PRSS54: variants seen among roughly 807,000 people sequenced by gnomAD.
The protein encoded by PRSS54 is inactive serine protease 54.
In PRSS54, 16 loss-of-function variants were observed where a neutral mutation model predicts 19.9. That is an observed-to-expected ratio of 0.80 (90% CI 0.54 to 1.22). The LOEUF is 1.22. Among genes scored for constraint, PRSS54 ranks in the 50% most tolerant of loss-of-function variants. The pLI, the probability that PRSS54 is intolerant of heterozygous loss-of-function variation, is 0.00. For synonymous variants in PRSS54, 177 were observed against 195.8 expected, an observed-to-expected ratio of 0.90 and a Z score of 0.80; for missense variants, 444 against 494.8, an observed-to-expected ratio of 0.90 and a Z score of 0.97.
Position 58,280,209 on chromosome 16 carries a change from G to A in PRSS54, c.*15C>T, listed in dbSNP as rs764804507. Reference sequence around the variant, plus strand: ...TTCTCAGTTTACTCTTCAGTTTGGTGGGGTAGCTCCTGGACTAGATACTGC... The same window carrying A: ...TTCTCAGTTTACTCTTCAGTTTGGTAGGGTAGCTCCTGGACTAGATACTGC... On this transcript the variant is annotated 3_prime_UTR_variant, in exon 7 of 7. Coordinates refer to ENST00000567164, the MANE Select transcript of PRSS54 (RefSeq NM_001305173.2). 2 of 1,590,122 alleles carry A rather than the reference G, an allele frequency of 1.3e-6. No homozygotes were observed. The highest frequency in any genetic ancestry group is 1.7e-6 in the Non-Finnish European group (2 of 1,167,900).
At position 58,293,766 on chromosome 16, in the gene PRSS54, G is replaced by A; in HGVS notation, c.51C>T (p.Leu17=). The A allele has an allele frequency of 1.2e-6, 2 of 1,613,354 alleles. No homozygotes were observed. Among genetic ancestry groups the A allele is most frequent in the Non-Finnish European group, 1.7e-6 (2 of 1,179,780 alleles). The stretch of plus-strand genomic sequence containing the variant: ...AATAGAGAAGGCCGAGCAGCACCAG[G>A]AGCACCCCTCGCATCTTGCCATCCC... ...LSGDGKMRGV[L]LVLLGLLYSS... The change falls in exon 3 of 7, where the codon CTC becomes CTT. Residue 17 remains leucine (L), a synonymous_variant. Coordinates refer to ENST00000567164, the MANE Select transcript of PRSS54 (RefSeq NM_001305173.2).
At chr16:58,284,769 C>T (rs1208430963) in intron 5 of PRSS54, 48 bp from the exon 6 acceptor site, 1 of 1,609,740 alleles carries the variant, frequency 6.2e-7, no homozygotes, top group Non-Finnish European at 8.5e-7. Context: ...AGAAGGCAGT[C>T]CCCTATGTCA....
At chr16:58,285,744 A>AAAAAAAGAAG (rs146167626) in intron 5 of PRSS54, among the ~76,000 whole-genome samples, 193 bp downstream of exon 5, 1 of 77,350 alleles carries the variant, frequency 1.3e-5, no homozygotes, top group Non-Finnish European at 2.3e-5. Flanking sequence ...AAAAAAAAAA[A>AAAAAAAGAAG]AAGAAGAAGA....
At chr16:58,288,141 C>A (rs553417610) in intron 4 of PRSS54, among the ~76,000 whole-genome samples, 1 of 152,126 alleles carries the variant, frequency 6.6e-6, no homozygotes, top group African/African-American at 2.4e-5. Context: ...AAAACTCTGT[C>A]TTGGCCATGC....
chr16:58,288,404 C>T (rs189393815), intron 4 of PRSS54, among the ~76,000 whole-genome samples: 443 of 151,646 alleles, frequency 2.9e-3, no homozygotes, highest in Non-Finnish European at 4.9e-3. Flanking sequence ...GCAGCCTAGG[C>T]AACAGAGCAA....
intron 4 of PRSS54, among the ~76,000 whole-genome samples, chr16:58,288,114 T>C (rs1429572612): frequency 2.0e-5 from 3 of 152,228 alleles, no homozygotes; most frequent in African/African-American, 7.2e-5. Flanking sequence ...CAAAAAACCC[T>C]AGCACCTGGA....
At chr16:58,294,561 G>A (rs1016243370) in intron 1 of PRSS54, among the ~76,000 whole-genome samples, 2 of 151,972 alleles carry the variant, frequency 1.3e-5, no homozygotes, top group African/African-American at 2.4e-5. Context: ...TGTATTTTTA[G>A]TACAGATGGG....
chr16:58,294,041 G>T lies in PRSS54; in HGVS notation c.-63C>A. The stretch of plus-strand genomic sequence containing the variant: ...GTAAAGAGGCAGGACCAGTTGGCCC[G>T]CACTGTGGTTTGTGAGATGGCCAGA... On this transcript the variant is annotated 5_prime_UTR_variant, in exon 2 of 7. Coordinates refer to ENST00000567164, the MANE Select transcript of PRSS54 (RefSeq NM_001305173.2). 1 of 553,610 alleles carries T rather than the reference G, an allele frequency of 1.8e-6. No individual in the cohort carries two copies. The highest frequency in any genetic ancestry group is 3.2e-6 in the Non-Finnish European group (1 of 308,088). The allele number at this position is 553,610 out of a possible 1,614,324, so 34.3% of individuals were successfully genotyped here. A position where few individuals can be genotyped will look rare whatever the true frequency, so the allele number is the denominator to read the frequency against.
intron 4 of PRSS54, among the ~76,000 whole-genome samples, chr16:58,288,684 C>T (rs1016081035): frequency 7.9e-5 from 12 of 152,022 alleles, no homozygotes; most frequent in East Asian, 3.9e-4. Context: ...TGAAATAATG[C>T]GTGTACAAGT....
intron 1 of PRSS54, 90 bp downstream of exon 1, chr16:58,294,797 T>G (rs972510989): frequency 1.3e-5 from 2 of 152,306 alleles, no homozygotes; most frequent in African/African-American, 4.8e-5. Context: ...AAACTGATAC[T>G]CAGAGACATC....
chr16:58,290,154 A>G (rs1965007837), intron 4 of PRSS54, among the ~76,000 whole-genome samples: 1 of 109,466 alleles, frequency 9.1e-6, no homozygotes, highest in African/African-American at 4.0e-5. Context: ...TATAGTATAC[A>G]CTATATATTA....
At chr16:58,281,298 A>G (rs896711133) in intron 6 of PRSS54, 2 of 158,370 alleles carry the variant, frequency 1.3e-5, no homozygotes, top group Admixed American at 5.9e-5. Context: ...GAAGCTTGGC[A>G]TCATTAGCTA....
chr16:58,280,926 T>G (rs1359598444), intron 6 of PRSS54, 169 bp from the exon 7 acceptor site: 1 of 608,590 alleles, frequency 1.6e-6, no homozygotes, highest in African/African-American at 1.8e-5. Flanking sequence ...CACCACAAAT[T>G]CCAACAAGAT....
At chr16:58,291,774 C>T (rs1169204085) in intron 3 of PRSS54, among the ~76,000 whole-genome samples, 7 of 152,208 alleles carry the variant, frequency 4.6e-5, no homozygotes, top group Middle Eastern at 3.4e-3. Context: ...TGAGCCACTG[C>T]GCCCAACTTT....
chr16:58,280,357 T>A lies in PRSS54; in HGVS notation c.1055A>T (p.Gln352Leu), dbSNP rs1453070829. 2.5e-6 allele frequency: 4 copies of A among 1,614,184 alleles called. No homozygotes were observed. Among genetic ancestry groups the A allele is most frequent in the Non-Finnish European group, 3.4e-6 (4 of 1,180,022 alleles). ...ACCGTAATAGTCATAGTATAAGGGT[T>A]GTACAGACGCCTCAGGAGACCTGCC... The part of the protein sequence containing the change: ...ESGRSPEASV[Q>L]PLYYDYYGGE... The change falls in exon 7 of 7, where the codon CAA (glutamine) becomes CTA (leucine). Residue 352 changes from glutamine (Q) to leucine (L), a missense_variant. Physicochemically the swap from Gln to Leu is moderately radical, Grantham distance 113. Transcript: ENST00000567164.
chr16:58,286,035 C>A lies in PRSS54; in HGVS notation c.424G>T (p.Gly142Cys). Reference protein sequence around the residue: ...LLKTDTAMHFGNLVQSICFLG... With the variant: ...LLKTDTAMHFCNLVQSICFLG... Reference sequence around the variant, plus strand: ...AAGCAGATGGACTGGACCAGGTTGCCAAAATGCATCGCTGTGTCTGTCTTC... The same window carrying A: ...AAGCAGATGGACTGGACCAGGTTGCAAAAATGCATCGCTGTGTCTGTCTTC... Residue 142 changes from glycine to cysteine, a missense_variant, in exon 5 of 7, where the codon GGC becomes TGC. Physicochemically the swap from Gly to Cys is radical, Grantham distance 159. Transcript: ENST00000567164. 1 of 1,614,174 alleles carries A rather than the reference C, an allele frequency of 6.2e-7. No homozygotes were observed. Among genetic ancestry groups the A allele is most frequent in the South Asian group, 1.1e-5 (1 of 91,084 alleles).
chr16:58,294,660 G>A (rs1271417239), intron 1 of PRSS54, among the ~76,000 whole-genome samples: 1 of 152,184 alleles, frequency 6.6e-6, no homozygotes, highest in Non-Finnish European at 1.5e-5. Context: ...GATTACCAGC[G>A]TGAGCCACCG....
chr16:58,290,761 G>T (rs1342261586), intron 4 of PRSS54, among the ~76,000 whole-genome samples, 198 bp downstream of exon 4: 1 of 152,180 alleles, frequency 6.6e-6, no homozygotes, highest in African/African-American at 2.4e-5. Context: ...CCGTTGCAAG[G>T]CCTGCAGTCC....
intron 6 of PRSS54, 109 bp downstream of exon 6, chr16:58,284,481 G>A: frequency 7.7e-7 from 1 of 1,303,480 alleles, no homozygotes; most frequent in Admixed American, 1.8e-5. Flanking sequence ...CTCATCCCAA[G>A]CCCTGCCCTC....
Sources: gnomAD v4.1 joint callset for allele counts (sites outside exome capture counted in the v4.1 genomes callset) on GRCh38, gnomAD v4.1.1 for gene constraint, MANE v1.5 for transcripts, NCBI Gene and HGNC (gene_info 2026-07-23, HGNC 2026-07-21) for gene names.